Variants in DPYS observed in about 807,000 individuals in gnomAD.
DPYS encodes the protein dihydropyrimidinase, also known as dihydropyrimidine amidohydrolase.
Under a neutral mutation model 50.3 loss-of-function variants are expected in DPYS, and 39 were observed. The observed-to-expected ratio is 0.78, with a 90% confidence interval of 0.60 to 1.01. DPYS has a LOEUF of 1.01. DPYS is among the 50% of genes least tolerant of loss of function. The probability of loss-of-function intolerance (pLI) is 0.00; values close to 1 mark genes in which losing one functional copy is unlikely to be tolerated. For missense variants in DPYS, 659 were observed against 680.9 expected (o/e 0.97, Z 0.36); for synonymous variants, 245 against 250.7 (o/e 0.98, Z 0.22).
intron 4 of DPYS, among the ~76,000 whole-genome samples, chr8:104,431,350 A>G (rs1286259882): frequency 6.6e-6 from 1 of 151,882 alleles, no homozygotes; most frequent in East Asian, 1.9e-4. Flanking sequence ...GGAAGGGCTT[A>G]GCTCCTTTAA....
At chr8:104,406,520 C>T (rs1812000068) in intron 7 of DPYS, among the ~76,000 whole-genome samples, 1 of 152,188 alleles carries the variant, frequency 6.6e-6, no homozygotes, top group African/African-American at 2.4e-5. Flanking sequence ...GCCTCATGAC[C>T]AAAAGCAGCC....
At chr8:104,393,021 T>C (rs1014991138) in intron 7 of DPYS, 30 bp from the exon 8 acceptor site, 4 of 1,597,366 alleles carry the variant, frequency 2.5e-6, no homozygotes, top group Non-Finnish European at 3.4e-6. Context: ...AAAAAAGTTC[T>C]GGATCATCAC....
chr8:104,401,031 A>C (rs1462507180), intron 7 of DPYS, among the ~76,000 whole-genome samples: 1 of 152,180 alleles, frequency 6.6e-6, no homozygotes, highest in Non-Finnish European at 1.5e-5. Flanking sequence ...TTCCTAGAGT[A>C]ATGTGGGTCT....
Position 104,451,333 on chromosome 8 carries a change from C to G in DPYS, c.336G>C (p.Glu112Asp). The G allele has an allele frequency of 6.2e-7, 1 of 1,614,172 alleles. No individual in the cohort carries two copies. Among genetic ancestry groups the G allele is most frequent in the Non-Finnish European group, 8.5e-7 (1 of 1,180,014 alleles). Residue 112 changes from glutamate (E) to aspartate (D), a missense_variant, in exon 2 of 10, where the codon GAG (glutamate) becomes GAC (aspartate). By Grantham distance (45) the Glu-to-Asp change is conservative (BLOSUM62 2). Transcript: ENST00000351513. ...CCCAGCTTCGCCAGGTCTCGAAGGC[C>G]TCAATGAGGGAGCCACCTTTCTGAG... is the stretch of plus-strand genomic sequence containing the variant. The part of the protein sequence containing the change: ...AIPQKGGSLI[E>D]AFETWRSWAD...
chr8:104,426,492 C>T lies in DPYS; in HGVS notation c.1092+1488G>A, dbSNP rs893145103. The stretch of plus-strand genomic sequence containing the variant: ...GAGCCTCCAACTAGAATGGTAGCAA[C>T]GAAGAAAGAAATAAGGAGGCCCTTT... On this transcript the variant is annotated intron_variant, in intron 6 of 9. Coordinates refer to ENST00000351513, the MANE Select transcript of DPYS (RefSeq NM_001385.3). Among the ~76,000 whole-genome samples the T allele has an allele frequency of 1.6e-4, 25 of 151,956 alleles. 1 individual carries two copies. The East Asian group carries it at 3.3e-3, about 20-fold the overall frequency.
intron 4 of DPYS, among the ~76,000 whole-genome samples, chr8:104,433,545 A>G (rs1813023940): frequency 6.6e-6 from 1 of 152,108 alleles, no homozygotes; most frequent in African/African-American, 2.4e-5. Flanking sequence ...GAGGCATGAG[A>G]ATCACTTGAA....
intron 7 of DPYS, among the ~76,000 whole-genome samples, chr8:104,410,416 T>C (rs1294879406): frequency 6.6e-6 from 1 of 152,064 alleles, no homozygotes; most frequent in Non-Finnish European, 1.5e-5. Context: ...GGTGTAGAGA[T>C]CCTAGGCCAA....
intron 7 of DPYS, among the ~76,000 whole-genome samples, chr8:104,406,435 C>T (rs1463885550): frequency 1.3e-5 from 2 of 152,168 alleles, no homozygotes; most frequent in Non-Finnish European, 2.9e-5. Flanking sequence ...AGAATGTGGT[C>T]AGGTTTGCAA....
At chr8:104,418,899 G>T in intron 7 of DPYS, 1 of 452,158 alleles carries the variant, frequency 2.2e-6, no homozygotes, top group Non-Finnish European at 2.9e-6. Context: ...TAAAGGCAGG[G>T]TGTGGCTGTT....
Position 104,424,365 on chromosome 8 carries a change from T to C in DPYS, c.1117A>G (p.Arg373Gly). ...GVHSGKMDENRFVAVTSTNAA... is the reference protein window; with the variant it reads ...GVHSGKMDENGFVAVTSTNAA... ...TTTGTGCTGGTAACTGCCACAAATC[T>C]GTTTTCATCCATTTTACCACTATGC... The change falls in exon 7 of 10, where the codon AGA becomes GGA. Residue 373 changes from arginine (R) to glycine (G), a missense_variant. Physicochemically the swap from Arg to Gly is moderately radical, Grantham distance 125. Transcript: ENST00000351513. 2 of 1,613,968 alleles carry C rather than the reference T, an allele frequency of 1.2e-6. No homozygotes were observed. Among genetic ancestry groups the C allele is most frequent in the South Asian group, 2.2e-5 (2 of 91,082 alleles).
At chr8:104,438,391 G>A (rs1324212267) in intron 4 of DPYS, among the ~76,000 whole-genome samples, 1 of 152,140 alleles carries the variant, frequency 6.6e-6, no homozygotes, top group Non-Finnish European at 1.5e-5. Flanking sequence ...CAGGAGAAAC[G>A]AGAAACTTTG....
intron 5 of DPYS, 134 bp downstream of exon 5, chr8:104,429,411 G>GTA (rs1232962992): frequency 8.6e-7 from 1 of 1,158,566 alleles, no homozygotes; most frequent in African/African-American, 1.5e-5. Context: ...CAGGTGAGGG[G>GTA]TACCCAGGAC....
chr8:104,466,831 GC>G lies in DPYS; in HGVS notation c.89del (p.Gly30AlafsTer68). On this transcript the variant is annotated frameshift_variant, in exon 1 of 10. Transcript: ENST00000351513. LOFTEE classifies it high-confidence loss of function. ...GGTCGTGCCCGAGTGCCCGCACCAC[GC>G]CGTCCTCCACCAGCACGTCGGCCAC... ...SEVADVLVEDGVVRALGHDLL... is the reference protein window; with the variant it reads ...SEVADVLVEDXVVRALGHDLL... The G allele has an allele frequency of 1.3e-6, 2 of 1,533,266 alleles. No homozygotes were observed. Among genetic ancestry groups the G allele is most frequent in the Non-Finnish European group, 1.7e-6 (2 of 1,145,342 alleles). 95.0% of individuals were successfully genotyped at this position (1,533,266 alleles called of 1,614,324 possible). A position where few individuals can be genotyped will look rare whatever the true frequency, so the allele number is the denominator to read the frequency against.
chr8:104,449,414 C>T (rs137962720), intron 2 of DPYS, among the ~76,000 whole-genome samples: 108 of 152,330 alleles, frequency 7.1e-4, no homozygotes, highest in African/African-American at 2.5e-3. Flanking sequence ...TAGCTTCAGC[C>T]TTCCTCCTCC....
chr8:104,406,352 C>T (rs1204456552), intron 7 of DPYS, among the ~76,000 whole-genome samples: 1 of 152,192 alleles, frequency 6.6e-6, no homozygotes, highest in Non-Finnish European at 1.5e-5. Flanking sequence ...ATACCTAGAG[C>T]TCTGGTGGAG....
In DPYS at chr8:104,453,738, C is replaced by T. The variant is rs148827006; in HGVS notation, c.265-2334G>A. ...AAACATGTTCTCGTAAAGACTTGCA[C>T]ATGAATATTCACAGCAGCATGATCC... On this transcript the variant is annotated intron_variant, in intron 1 of 9. Coordinates refer to ENST00000351513, the MANE Select transcript of DPYS (RefSeq NM_001385.3). 1.9e-4 allele frequency among the ~76,000 whole-genome samples: 29 copies of T among 152,310 alleles called. 2 individuals are homozygous for T. The East Asian group carries it at 5.6e-3, about 29-fold the overall frequency.
intron 7 of DPYS, among the ~76,000 whole-genome samples, chr8:104,404,970 A>C (rs183879538): frequency 8.5e-5 from 13 of 152,206 alleles, no homozygotes; most frequent in African/African-American, 3.1e-4. Context: ...AACAATAACA[A>C]CACAAGGCTC....
intron 8 of DPYS, among the ~76,000 whole-genome samples, chr8:104,391,265 C>CAA (rs75488392): frequency 6.6e-6 from 1 of 151,734 alleles, no homozygotes; most frequent in African/African-American, 2.4e-5. Context: ...TGAATTGAAT[C>CAA]AAAAAAACAG....
chr8:104,401,288 G>GTATTATTATTATTAT (rs34804847), intron 7 of DPYS, among the ~76,000 whole-genome samples: 2 of 143,050 alleles, frequency 1.4e-5, no homozygotes, highest in Admixed American at 7.0e-5. Flanking sequence ...TATGAGGTAG[G>GTATTATTATTATTAT]TATTATTATT....
Sources: allele counts gnomAD v4.1 joint callset (sites outside exome capture counted in the v4.1 genomes callset), GRCh38; gene constraint gnomAD v4.1.1; transcripts MANE v1.5; gene names NCBI Gene and HGNC (gene_info 2026-07-23, HGNC 2026-07-21).